Variants in THSD4 observed in about 807,000 individuals in gnomAD.
The protein encoded by THSD4 is thrombospondin type-1 domain-containing protein 4.
In THSD4, 69 loss-of-function variants were observed where a neutral mutation model predicts 119.0. The ratio of observed to expected loss-of-function variants is 0.58; its 90% CI spans 0.48 to 0.71. The LOEUF is 0.71. THSD4 is among the 30% of genes least tolerant of loss of function. The pLI is 0.00. For missense variants in THSD4, 1,393 were observed against 1,391.1 expected, an observed-to-expected ratio of 1.00 and a Z score of -0.02; for synonymous variants, 524 against 540.4, an observed-to-expected ratio of 0.97 and a Z score of 0.42.
At chr15:71,638,982 A>G (rs749479638) in intron 7 of THSD4, among the ~76,000 whole-genome samples, 43 of 152,170 alleles carry the variant, frequency 2.8e-4, no homozygotes, top group East Asian at 1.5e-3. Flanking sequence ...CTTTGCAGTC[A>G]TGTCCCCCAA....
At chr15:71,276,179 A>G (rs1429810186) in intron 6 of THSD4, among the ~76,000 whole-genome samples, 1 of 152,354 alleles carries the variant, frequency 6.6e-6, no homozygotes, top group East Asian at 1.9e-4. Context: ...TTATCTGGGT[A>G]AAATCTGCCT....
chr15:71,628,407 C>T (rs960850483), intron 7 of THSD4, among the ~76,000 whole-genome samples: 1 of 152,146 alleles, frequency 6.6e-6, no homozygotes, highest in Admixed American at 6.5e-5. Context: ...AATATGAAGA[C>T]ACCAGAGATC....
intron 6 of THSD4, among the ~76,000 whole-genome samples, chr15:71,283,810 G>A (rs1246277871): frequency 6.6e-6 from 1 of 152,138 alleles, no homozygotes; most frequent in Non-Finnish European, 1.5e-5. Flanking sequence ...GGAAGGTATC[G>A]TTGACAGTGG....
chr15:71,493,678 C>T (rs1410836337), intron 7 of THSD4, among the ~76,000 whole-genome samples: 9 of 152,320 alleles, frequency 5.9e-5, no homozygotes, highest in Admixed American at 5.2e-4. Flanking sequence ...CCCAGAATTG[C>T]TGGCATGAAC....
chr15:71,241,299 T>C lies in THSD4; in HGVS notation c.465-1350T>C, dbSNP rs531420912. Among the ~76,000 whole-genome samples, 183 of 152,368 alleles carry C rather than the reference T, an allele frequency of 1.2e-3. 1 individual carries two copies. Among genetic ancestry groups the C allele is most frequent in the South Asian group, 5.6e-3 (27 of 4,824 alleles). Reference sequence around the variant, plus strand: ...GTAAGTAAGAGTTAGTTGACTTACTTAAGTCCTTCCACAGAGATTTGGAAC... The same window carrying C: ...GTAAGTAAGAGTTAGTTGACTTACTCAAGTCCTTCCACAGAGATTTGGAAC... On this transcript the variant is annotated intron_variant, in intron 4 of 17. Transcript: ENST00000261862.
chr15:71,354,486 T>C (rs902190005), intron 6 of THSD4, among the ~76,000 whole-genome samples: 3 of 152,198 alleles, frequency 2.0e-5, no homozygotes, highest in African/African-American at 7.2e-5. Flanking sequence ...TGGAGACTTT[T>C]CCAAATTGTG....
At chr15:71,605,215 C>T (rs75159823) in intron 7 of THSD4, among the ~76,000 whole-genome samples, 4,563 of 152,222 alleles carry the variant, frequency 0.03, 257 homozygotes, top group African/African-American at 0.11. Context: ...GGGACCAGAC[C>T]GTGCAGGGCA....
rs373969304 is a variant in THSD4, at chr15:71,736,932, A to G, written c.1631-800A>G. On this transcript the variant is annotated intron_variant, in intron 10 of 17. Coordinates refer to ENST00000261862, the MANE Select transcript of THSD4 (RefSeq NM_024817.3). ...AAATCACACACAAATTAGTATCTCAAAAAGTGACCTGCCACACCTGTGTGT... is the reference window on the plus strand; with the variant it reads ...AAATCACACACAAATTAGTATCTCAGAAAGTGACCTGCCACACCTGTGTGT... 2.0e-3 allele frequency among the ~76,000 whole-genome samples: 299 copies of G among 152,316 alleles called. 1 individual carries two copies. Among genetic ancestry groups the G allele is most frequent in the African/African-American group, 6.9e-3 (285 of 41,564 alleles).
chr15:71,777,458 A>T lies in THSD4; in HGVS notation c.*84A>T. 1 of 1,519,012 alleles carries T rather than the reference A, an allele frequency of 6.6e-7. No individual in the cohort carries two copies. The highest frequency in any genetic ancestry group is 1.2e-5 in the South Asian group (1 of 81,780). The allele number at this position is 1,519,012 out of a possible 1,614,324, so 94.1% of individuals were successfully genotyped here. On this transcript the variant is annotated 3_prime_UTR_variant, in exon 18 of 18. Coordinates refer to ENST00000261862, the MANE Select transcript of THSD4 (RefSeq NM_024817.3). The stretch of plus-strand genomic sequence containing the variant: ...GCGCCTGGCTGGCTGCTGCTCCACC[A>T]CGGGCCCCCTGGCCCAGGCGCTGCC...
At chr15:71,467,503 A>T (rs2047516902) in intron 7 of THSD4, among the ~76,000 whole-genome samples, 1 of 152,180 alleles carries the variant, frequency 6.6e-6, no homozygotes, top group Non-Finnish European at 1.5e-5. Context: ...TCAGCAAGCA[A>T]GGCCTGTTTG....
chr15:71,284,541 A>C (rs1044142201), intron 6 of THSD4, among the ~76,000 whole-genome samples: 23 of 152,330 alleles, frequency 1.5e-4, no homozygotes, highest in Middle Eastern at 3.4e-3. Context: ...TCATGGACCC[A>C]AAGTGTTTCT....
At chr15:71,579,375 C>G (rs2049516542) in intron 7 of THSD4, among the ~76,000 whole-genome samples, 1 of 152,166 alleles carries the variant, frequency 6.6e-6, no homozygotes, top group African/African-American at 2.4e-5. Flanking sequence ...CACGCCTGTT[C>G]TCATGATCAT....
intron 7 of THSD4, among the ~76,000 whole-genome samples, chr15:71,520,381 G>A (rs1307776855): frequency 2.0e-5 from 3 of 152,184 alleles, no homozygotes; most frequent in Non-Finnish European, 2.9e-5. Flanking sequence ...AGTTCAGACT[G>A]GAAGCATGGA....
rs192122731 is a variant in THSD4, at chr15:71,234,201, G to A, written c.465-8448G>A. 7.0e-4 allele frequency among the ~76,000 whole-genome samples: 106 copies of A among 152,298 alleles called. 1 individual carries two copies. Among genetic ancestry groups the A allele is most frequent in the Admixed American group, 3.5e-3 (54 of 15,300 alleles). On this transcript the variant is annotated intron_variant, in intron 4 of 17. Coordinates refer to ENST00000261862, the MANE Select transcript of THSD4 (RefSeq NM_024817.3). ...TTGGACACTGGCTTCCCCATAAAGC[G>A]TGCAAGTCCCTTCTGTTCTCAGGCC...
chr15:71,472,687 G>A (rs1158508525), intron 7 of THSD4, among the ~76,000 whole-genome samples: 1 of 152,190 alleles, frequency 6.6e-6, no homozygotes, highest in Non-Finnish European at 1.5e-5. Context: ...ATGCGTCTTG[G>A]AAGTCCTGCT....
intron 16 of THSD4, 53 bp from the exon 17 acceptor site, chr15:71,771,011 C>T (rs370524813): frequency 6.3e-7 from 1 of 1,590,466 alleles, no homozygotes; most frequent in Non-Finnish European, 8.5e-7. Context: ...CTCCAGTGTG[C>T]TGAGCTATTG....
chr15:71,278,832 C>A (rs200560480), intron 6 of THSD4, among the ~76,000 whole-genome samples: 1 of 152,072 alleles, frequency 6.6e-6, no homozygotes, highest in Non-Finnish European at 1.5e-5. Flanking sequence ...GGCAGGGCGA[C>A]CATAGATTTC....
chr15:71,191,997 G>C (rs545723739), intron 3 of THSD4, among the ~76,000 whole-genome samples: 1 of 151,338 alleles, frequency 6.6e-6, no homozygotes, highest in South Asian at 2.1e-4. Context: ...CCGCCTCCCA[G>C]GTTGAAGCGA....
At chr15:71,157,022 T>G (rs2040784705) in intron 3 of THSD4, among the ~76,000 whole-genome samples, 1 of 152,228 alleles carries the variant, frequency 6.6e-6, no homozygotes, top group South Asian at 2.1e-4. Flanking sequence ...CTACTTTTAT[T>G]ATGAAGTTAT....
Sources: allele counts gnomAD v4.1 joint callset (sites outside exome capture counted in the v4.1 genomes callset), GRCh38; gene constraint gnomAD v4.1.1; transcripts MANE v1.5; gene names NCBI Gene and HGNC (gene_info 2026-07-23, HGNC 2026-07-21).